The following ZBTB7C variants were observed in gnomAD, a reference collection of about 807,000 sequenced individuals.
ZBTB7C encodes zinc finger and BTB domain containing 7C.
ZBTB7C carries 8 observed loss-of-function variants against 25.7 expected under a neutral mutation model. The observed-to-expected ratio is 0.31, with a 90% CI of 0.18 to 0.56. The LOEUF (loss-of-function observed/expected upper bound fraction) is 0.56, where lower values mean the gene tolerates loss of function less well. ZBTB7C is among the 20% of genes least tolerant of loss of function. The pLI is 0.91. For synonymous variants in ZBTB7C, 394 were observed against 369.0 expected (o/e 1.07, Z -0.78); for missense variants, 824 against 855.2 (o/e 0.96, Z 0.46).
chr18:48,062,271 C>T (rs1485806753), intron 3 of ZBTB7C, among the ~76,000 whole-genome samples: 2 of 152,142 alleles, frequency 1.3e-5, no homozygotes, highest in East Asian at 3.9e-4. Context: ...AGGGGAACAC[C>T]TTTAAGGGGC....
At chr18:48,359,895 C>A (rs1054915324) in intron 1 of ZBTB7C, among the ~76,000 whole-genome samples, 1 of 152,164 alleles carries the variant, frequency 6.6e-6, no homozygotes, top group Non-Finnish European at 1.5e-5. Flanking sequence ...AGATTTTTGA[C>A]TCGGGAAAAG....
intron 1 of ZBTB7C, among the ~76,000 whole-genome samples, chr18:48,357,963 A>T (rs574086610): frequency 4.0e-4 from 61 of 152,340 alleles, no homozygotes; most frequent in Admixed American, 1.4e-3. Flanking sequence ...TGCTTGGATC[A>T]CAAGGGCAGA....
At chr18:48,360,968 TG>T (rs1440742436) in intron 1 of ZBTB7C, among the ~76,000 whole-genome samples, 2 of 151,960 alleles carry the variant, frequency 1.3e-5, no homozygotes, top group African/African-American at 4.8e-5. Context: ...TTGTTTTTCC[TG>T]GGGGTATGAT....
At chr18:48,057,497 T>C (rs1466123668) in intron 3 of ZBTB7C, among the ~76,000 whole-genome samples, 1 of 152,190 alleles carries the variant, frequency 6.6e-6, no homozygotes, top group African/African-American at 2.4e-5. Context: ...AAGATGACCA[T>C]GTGTACATAC....
intron 1 of ZBTB7C, among the ~76,000 whole-genome samples, chr18:48,369,386 A>G (rs2047333437): frequency 6.6e-6 from 1 of 151,972 alleles, no homozygotes; most frequent in Admixed American, 6.6e-5. Flanking sequence ...GAAATGAAAG[A>G]CAGAGAGAAT....
intron 2 of ZBTB7C, among the ~76,000 whole-genome samples, chr18:48,258,053 A>G (rs2044070330): frequency 6.6e-6 from 1 of 152,188 alleles, no homozygotes; most frequent in African/African-American, 2.4e-5. Context: ...AACAGAAAAC[A>G]AAAATACGCT....
chr18:48,389,222 CTCTCTCTCTCTCTCGTGTGTGTGTGT>C (rs2047826544), intron 1 of ZBTB7C, among the ~76,000 whole-genome samples: 1 of 126,802 alleles, frequency 7.9e-6, no homozygotes, highest in African/African-American at 3.1e-5. Flanking sequence ...CTCTCTCTCT[CTCTCTCTCTCTCTCGTGTGTGTGTGT>C]GTGTGTGTGT....
At chr18:48,331,370 T>C (rs909139580) in intron 2 of ZBTB7C, among the ~76,000 whole-genome samples, 1 of 152,218 alleles carries the variant, frequency 6.6e-6, no homozygotes, top group Non-Finnish European at 1.5e-5. Context: ...GATATTAAGT[T>C]CATTTTACAG....
chr18:48,173,628 T>G (rs991287315), intron 3 of ZBTB7C, among the ~76,000 whole-genome samples: 7 of 152,228 alleles, frequency 4.6e-5, no homozygotes, highest in African/African-American at 1.7e-4. Flanking sequence ...GGGCACCACA[T>G]TTAAGGAGGC....
At chr18:48,300,066 T>C (rs975711969) in intron 2 of ZBTB7C, among the ~76,000 whole-genome samples, 3 of 152,170 alleles carry the variant, frequency 2.0e-5, no homozygotes, top group Non-Finnish European at 2.9e-5. Flanking sequence ...ATTTCTGCTG[T>C]TACTGCATTG....
At chr18:48,308,079 A>T (rs2045719307) in intron 2 of ZBTB7C, among the ~76,000 whole-genome samples, 1 of 152,172 alleles carries the variant, frequency 6.6e-6, no homozygotes, top group Non-Finnish European at 1.5e-5. Context: ...CATTTTGCAT[A>T]AAGGAAGAGG....
intron 3 of ZBTB7C, among the ~76,000 whole-genome samples, chr18:48,080,696 A>C (rs566073695): frequency 2.0e-4 from 30 of 152,254 alleles, no homozygotes; most frequent in Middle Eastern, 3.4e-3. Flanking sequence ...GGCTGTCCTG[A>C]CACCAGCCAC....
At position 48,094,848 on chromosome 18, in the gene ZBTB7C, G is replaced by A. The variant is rs533679276; in HGVS notation, c.-16-53725C>T. Among the ~76,000 whole-genome samples the A allele has an allele frequency of 5.3e-5, 8 of 152,242 alleles. No individual in the cohort carries two copies. The East Asian group carries it at 1.4e-3, about 26-fold the overall frequency. On this transcript the variant is annotated intron_variant, in intron 3 of 4. Transcript: ENST00000590800. ...AAATGGAACACTTTGAAACGAAAAA[G>A]GGAGCATGGAGCTGAATGGTTCTAC...
At position 48,267,055 on chromosome 18, in the gene ZBTB7C, T is replaced by C. The variant is rs151281206; in HGVS notation, c.-79+71119A>G. Among the ~76,000 whole-genome samples, 696 of 152,316 alleles carry C rather than the reference T, an allele frequency of 4.6e-3. 2 individuals are homozygous for C. Among genetic ancestry groups the C allele is most frequent in the African/African-American group, 0.016 (660 of 41,580 alleles). ...TTGATGTTTGTTTCCATTTTCACTG[T>C]TGCAAATATGGCTGCAGTGAACACC... On this transcript the variant is annotated intron_variant, in intron 2 of 4. Transcript: ENST00000590800.
At chr18:48,184,400 T>C (rs1343867451) in intron 3 of ZBTB7C, among the ~76,000 whole-genome samples, 1 of 152,172 alleles carries the variant, frequency 6.6e-6, no homozygotes, top group African/African-American at 2.4e-5. Context: ...TACCACTTAC[T>C]AGCAGAGCAA....
rs1171529300 is a variant in ZBTB7C at position 48,337,393 on chromosome 18, G to A, written c.-79+781C>T. On this transcript the variant is annotated intron_variant, in intron 2 of 4. Transcript: ENST00000590800. The stretch of plus-strand genomic sequence containing the variant: ...ACCAGAAAATCCATGGGAACAGGCT[G>A]TGCCATTGGATCAGAACCCACCTTT... Among the ~76,000 whole-genome samples, 3 of 152,218 alleles carry A rather than the reference G, an allele frequency of 2.0e-5. No individual in the cohort carries two copies. In the East Asian group the frequency reaches 5.8e-4, roughly 29 times the overall value.
intron 1 of ZBTB7C, among the ~76,000 whole-genome samples, chr18:48,342,386 G>C (rs2046623815): frequency 6.6e-6 from 1 of 152,204 alleles, no homozygotes; most frequent in African/African-American, 2.4e-5. Context: ...TCTGCCACAG[G>C]AGACCCAGCC....
chr18:48,181,802 T>G (rs1347589204), intron 3 of ZBTB7C, among the ~76,000 whole-genome samples: 1 of 152,228 alleles, frequency 6.6e-6, no homozygotes, highest in Non-Finnish European at 1.5e-5. Flanking sequence ...TCTGTAGCCT[T>G]CAGTCACCCC....
At position 48,401,870 on chromosome 18, in the gene ZBTB7C, A is replaced by G. The variant is rs563006225; in HGVS notation, c.-304+7356T>C. On this transcript the variant is annotated intron_variant, in intron 1 of 4. Coordinates refer to ENST00000590800, the MANE Select transcript of ZBTB7C (RefSeq NM_001318841.2). ...TAGGCCTCACCTCCTCCAAAAACCC[A>G]TCAAAATTCTTAAGTCAGAGAATCA... 4.6e-5 allele frequency among the ~76,000 whole-genome samples: 7 copies of G among 152,168 alleles called. No individual in the cohort carries two copies. The East Asian group carries it at 1.4e-3, about 29-fold the overall frequency.
Sources: gnomAD v4.1 joint callset for allele counts (sites outside exome capture counted in the v4.1 genomes callset) on GRCh38, gnomAD v4.1.1 for gene constraint, MANE v1.5 for transcripts, NCBI Gene and HGNC (gene_info 2026-07-23, HGNC 2026-07-21) for gene names.